Variants in TULP4 observed in about 807,000 individuals in gnomAD.
TULP4 encodes tubby-related protein 4.
Under a neutral mutation model 129.0 loss-of-function variants are expected in TULP4, and 16 were observed. The ratio of observed to expected loss-of-function variants is 0.12; its 90% CI spans 0.08 to 0.19. The LOEUF (loss-of-function observed/expected upper bound fraction) is 0.19. Among genes scored for constraint, TULP4 ranks in the 10% least tolerant of loss-of-function variants. The pLI is 1.00. For synonymous variants in TULP4, 998 were observed against 854.0 expected, an observed-to-expected ratio of 1.17 and a Z score of -2.94; for missense variants, 1,842 against 2,059.1, an observed-to-expected ratio of 0.89 and a Z score of 2.04.
intron 1 of TULP4, among the ~76,000 whole-genome samples, chr6:158,390,367 T>TAA: frequency 7.0e-6 from 1 of 143,768 alleles, no homozygotes; most frequent in African/African-American, 2.5e-5. Context: ...TTGCAGATCT[T>TAA]AAAAAAAAAA....
chr6:158,453,195 C>T (rs966411012), intron 5 of TULP4, among the ~76,000 whole-genome samples: 9 of 152,076 alleles, frequency 5.9e-5, no homozygotes, highest in Admixed American at 1.3e-4. Context: ...AGGCTGGGTG[C>T]GGTGGCTCAT....
intron 1 of TULP4, among the ~76,000 whole-genome samples, chr6:158,235,940 G>C (rs1275809144): frequency 2.6e-5 from 4 of 152,146 alleles, no homozygotes; most frequent in Admixed American, 2.0e-4. Context: ...GACCCATGGG[G>C]GATAAAACCA....
intron 1 of TULP4, among the ~76,000 whole-genome samples, chr6:158,240,704 C>A (rs1242531725): frequency 8.1e-6 from 1 of 122,978 alleles, no homozygotes; most frequent in African/African-American, 2.7e-5. Context: ...GGGCTGACCC[C>A]CCCCACCTCC....
In TULP4 at chr6:158,314,216, A is replaced by G. The variant is rs1167858846; in HGVS notation, c.200A>G (p.Asp67Gly). ...VTFTSSHCRRDRSTPQRINFN... is the reference protein window; with the variant it reads ...VTFTSSHCRRGRSTPQRINFN... ...TTCACCTCTAGTCACTGTCGCAGGGACAGGAGTACTCCACAGAGGATAAAT... is the reference window on the plus strand; with the variant it reads ...TTCACCTCTAGTCACTGTCGCAGGGGCAGGAGTACTCCACAGAGGATAAAT... Residue 67 changes from aspartate to glycine, a missense_variant, in exon 1 of 14, where the codon GAC becomes GGC. By Grantham distance (94) the Asp-to-Gly change is moderately conservative (BLOSUM62 -1). Transcript: ENST00000367097. 1.2e-6 allele frequency: 2 copies of G among 1,614,178 alleles called. No homozygotes were observed. Among genetic ancestry groups the G allele is most frequent in the Non-Finnish European group, 1.7e-6 (2 of 1,180,028 alleles).
At chr6:158,420,256 T>G (rs1479574160) in intron 2 of TULP4, among the ~76,000 whole-genome samples, 1 of 152,250 alleles carries the variant, frequency 6.6e-6, no homozygotes, top group African/African-American at 2.4e-5. Flanking sequence ...CTTTTGATTT[T>G]TTTCTTCTCA....
intron 1 of TULP4, among the ~76,000 whole-genome samples, chr6:158,264,505 G>GT (rs1778414409): frequency 6.6e-6 from 1 of 152,082 alleles, no homozygotes; most frequent in South Asian, 2.1e-4. Context: ...AATGTGACTT[G>GT]TGTAGTATGA....
rs1780255583 is a variant in TULP4, at chr6:158,493,261, C to T, written c.1632-312C>T. Among the ~76,000 whole-genome samples the T allele has an allele frequency of 6.6e-6, 1 of 152,176 alleles. No individual in the cohort carries two copies. ...GTTGTGTAATCGTAGCTCATTGCAG[C>T]CTTGAACTCCTGGGCTCAAGCGATC... On this transcript the variant is annotated intron_variant, in intron 9 of 13. Coordinates refer to ENST00000367097, the MANE Select transcript of TULP4 (RefSeq NM_020245.5). This position sits in a 1 kb window ranked among gnomAD's most constrained non-coding sequence, Gnocchi z 4.4.
chr6:158,238,483 T>C (rs1444386081), intron 1 of TULP4: 1 of 373,334 alleles, frequency 2.7e-6, no homozygotes, highest in African/African-American at 2.3e-5. Flanking sequence ...AGAGGGGGAT[T>C]TGGCAGGGTC....
intron 5 of TULP4, among the ~76,000 whole-genome samples, chr6:158,452,531 G>A (rs1325525387): frequency 6.6e-6 from 1 of 152,222 alleles, no homozygotes; most frequent in African/African-American, 2.4e-5. Flanking sequence ...TGACAAGAAT[G>A]ATCCTCTCTC....
intron 3 of TULP4, among the ~76,000 whole-genome samples, chr6:158,438,588 TTTGTTTGTTTGTTTGA>T (rs957131065): frequency 2.3e-4 from 33 of 143,540 alleles, no homozygotes; most frequent in Admixed American, 1.4e-3. Flanking sequence ...TGTTTGTTTG[TTTGTTTGTTTGTTTGA>T]GACAGAGTCT....
chr6:158,495,245 G>T (rs1012945929), intron 11 of TULP4, among the ~76,000 whole-genome samples: 7 of 151,948 alleles, frequency 4.6e-5, no homozygotes, highest in Admixed American at 1.3e-4. Context: ...TAGAGACAGG[G>T]TTTCACCACA....
chr6:158,273,745 C>G (rs184178235), intron 1 of TULP4, among the ~76,000 whole-genome samples: 4 of 152,318 alleles, frequency 2.6e-5, no homozygotes, highest in Admixed American at 2.0e-4. Context: ...AATAATCTGT[C>G]TGGTCCTAAC....
intron 2 of TULP4, among the ~76,000 whole-genome samples, chr6:158,426,914 T>A (rs1778508259): frequency 6.6e-6 from 1 of 152,194 alleles, no homozygotes; most frequent in African/African-American, 2.4e-5. Context: ...GTTTTGTAGT[T>A]CTCTTTGTAG....
intron 1 of TULP4, among the ~76,000 whole-genome samples, chr6:158,247,599 C>T (rs1401023044): frequency 6.6e-6 from 1 of 152,136 alleles, no homozygotes. Flanking sequence ...GTCAGTTATA[C>T]CTCTGATTTG....
upstream of TULP4, among the ~76,000 whole-genome samples, chr6:158,309,925 G>GAGGGGGA (rs1562514317): frequency 2.1e-5 from 3 of 142,978 alleles, 1 homozygote; most frequent in East Asian, 6.4e-4. Flanking sequence ...AGGGGGAGGG[G>GAGGGGGA]GAGGGGGAGA....
upstream of TULP4, among the ~76,000 whole-genome samples, chr6:158,308,986 A>AC (rs1250770854): frequency 1.0e-3 from 111 of 111,440 alleles, 1 homozygote; most frequent in African/African-American, 3.8e-3. Context: ...CAGGGGGCTG[A>AC]CCCCCCCACC....
At chr6:158,453,340 C>T (rs948328042) in intron 5 of TULP4, among the ~76,000 whole-genome samples, 17 of 151,422 alleles carry the variant, frequency 1.1e-4, no homozygotes, top group Non-Finnish European at 2.2e-4. Flanking sequence ...AAAAATTAGC[C>T]GGGCGTGGTG....
intron 1 of TULP4, among the ~76,000 whole-genome samples, chr6:158,347,994 CT>C (rs1458676558): frequency 6.7e-6 from 1 of 150,254 alleles, no homozygotes; most frequent in Non-Finnish European, 1.5e-5. Flanking sequence ...TTTTCTTGAT[CT>C]TTATTTCTCA....
intron 13 of TULP4, among the ~76,000 whole-genome samples, chr6:158,505,081 T>C (rs1298980463): frequency 6.6e-6 from 1 of 152,206 alleles, no homozygotes; most frequent in Non-Finnish European, 1.5e-5. Context: ...TGTTTGCTCA[T>C]TTGCCTATTT....
Sources: allele counts gnomAD v4.1 joint callset (sites outside exome capture counted in the v4.1 genomes callset), GRCh38; gene constraint gnomAD v4.1.1; non-coding constraint Gnocchi (gnomAD v3.1); transcripts MANE v1.5; gene names NCBI Gene and HGNC (gene_info 2026-07-23, HGNC 2026-07-21).